The following KHDRBS3 variants were observed in gnomAD, a reference collection of about 807,000 sequenced individuals.
KHDRBS3 encodes the protein KH domain-containing, RNA-binding, signal transduction-associated protein 3.
KHDRBS3 carries 23 observed loss-of-function variants against 45.6 expected under a neutral mutation model. That is an observed-to-expected ratio of 0.50 (90% CI 0.36 to 0.72). The LOEUF (loss-of-function observed/expected upper bound fraction) is 0.72. KHDRBS3 is among the 30% of genes least tolerant of loss of function. The pLI is 0.00. For missense variants in KHDRBS3, 352 were observed against 424.8 expected, an observed-to-expected ratio of 0.83 and a Z score of 1.51; for synonymous variants, 162 against 156.5, an observed-to-expected ratio of 1.04 and a Z score of -0.26.
chr8:135,480,946 C>T (rs1345432554), intron 1 of KHDRBS3, among the ~76,000 whole-genome samples: 1 of 151,906 alleles, frequency 6.6e-6, no homozygotes, highest in Admixed American at 6.6e-5. Context: ...ACACTCTGTC[C>T]ATCTCTGTTC....
chr8:135,467,800 G>A (rs932438675), intron 1 of KHDRBS3, among the ~76,000 whole-genome samples: 1 of 152,170 alleles, frequency 6.6e-6, no homozygotes, highest in African/African-American at 2.4e-5. Context: ...CTTTCCTTTG[G>A]TAATTAATTA....
At chr8:135,646,780 C>T (rs758090909) in intron 8 of KHDRBS3, among the ~76,000 whole-genome samples, 18 of 152,208 alleles carry the variant, frequency 1.2e-4, no homozygotes, top group Admixed American at 4.6e-4. Context: ...TATCTTCCCA[C>T]GCTGACGAAT....
At chr8:135,475,554 C>T (rs978291815) in intron 1 of KHDRBS3, among the ~76,000 whole-genome samples, 1 of 152,016 alleles carries the variant, frequency 6.6e-6, no homozygotes, top group South Asian at 2.1e-4. Flanking sequence ...TCAGATGATC[C>T]ACCCTCCTCA....
chr8:135,497,270 C>G (rs1418872185), intron 1 of KHDRBS3, among the ~76,000 whole-genome samples: 3 of 152,186 alleles, frequency 2.0e-5, no homozygotes, highest in African/African-American at 7.2e-5. Flanking sequence ...GTCAGAAAAT[C>G]AGCTATGCTG....
downstream of KHDRBS3, among the ~76,000 whole-genome samples, chr8:135,649,378 T>G (rs964466645): frequency 6.6e-6 from 1 of 152,206 alleles, no homozygotes; most frequent in Non-Finnish European, 1.5e-5. Flanking sequence ...GATAATATCA[T>G]CAGAGTGTTT....
At chr8:135,572,388 T>C (rs1827744664) in intron 5 of KHDRBS3, among the ~76,000 whole-genome samples, 3 of 152,228 alleles carry the variant, frequency 2.0e-5, no homozygotes, top group African/African-American at 7.2e-5. Flanking sequence ...TTGTAACTTG[T>C]TAAATTGTAT....
intron 2 of KHDRBS3, among the ~76,000 whole-genome samples, chr8:135,529,277 A>G (rs1027668275): frequency 6.6e-6 from 1 of 152,140 alleles, no homozygotes; most frequent in Non-Finnish European, 1.5e-5. Flanking sequence ...CAGAAGCTAC[A>G]TTTGTCCTGT....
At chr8:135,615,102 GA>G in intron 7 of KHDRBS3, among the ~76,000 whole-genome samples, 1 of 151,910 alleles carries the variant, frequency 6.6e-6, no homozygotes, top group African/African-American at 2.4e-5. Flanking sequence ...ATCAGATACT[GA>G]GGGTGATCAG....
At chr8:135,634,937 A>G (rs1249174793) in intron 7 of KHDRBS3, among the ~76,000 whole-genome samples, 1 of 152,212 alleles carries the variant, frequency 6.6e-6, no homozygotes, top group Non-Finnish European at 1.5e-5. Flanking sequence ...CATGTGTCCT[A>G]GGCCAATGGT....
In KHDRBS3 at chr8:135,656,156, C is replaced by A. The variant is rs561516259; in HGVS notation, c.*118-70C>A. 2.0e-5 allele frequency: 3 copies of A among 152,316 alleles called. No homozygotes were observed. The East Asian group carries it at 5.8e-4, about 29-fold the overall frequency. 9.4% of individuals were successfully genotyped at this position (152,316 alleles called of 1,614,324 possible). A position where few individuals can be genotyped will look rare whatever the true frequency, so the allele number is the denominator to read the frequency against. ...CCTGAATCCTCTAAACCCTGCCATT[C>A]CCAACAGAGCATATGGTTATTATTA... On this transcript the variant is annotated intron_variant and NMD_transcript_variant, in intron 4 of 4. Transcript: ENST00000521461.
intron 2 of KHDRBS3, among the ~76,000 whole-genome samples, chr8:135,535,293 T>C (rs1825683889): frequency 8.5e-6 from 1 of 117,048 alleles, no homozygotes; most frequent in Non-Finnish European, 1.7e-5. Context: ...TATAAACTAT[T>C]ATATATAGTT....
At chr8:135,532,635 A>G (rs1156704134) in intron 2 of KHDRBS3, among the ~76,000 whole-genome samples, 1 of 152,190 alleles carries the variant, frequency 6.6e-6, no homozygotes, top group Non-Finnish European at 1.5e-5. Flanking sequence ...AATCTTTATA[A>G]CATAAGATAG....
chr8:135,509,312 G>A (rs1433113083), intron 1 of KHDRBS3, among the ~76,000 whole-genome samples: 4 of 152,110 alleles, frequency 2.6e-5, no homozygotes, highest in Admixed American at 1.3e-4. Context: ...TTTGAGAGTC[G>A]GACAATGCTG....
At chr8:135,598,514 G>C (rs745459054) in intron 6 of KHDRBS3, among the ~76,000 whole-genome samples, 3 of 152,180 alleles carry the variant, frequency 2.0e-5, no homozygotes, top group Non-Finnish European at 4.4e-5. Context: ...AGTTGTATTA[G>C]TGTAGAAGTC....
intron 7 of KHDRBS3, among the ~76,000 whole-genome samples, chr8:135,615,224 C>A (rs1829869003): frequency 6.6e-6 from 1 of 151,680 alleles, no homozygotes; most frequent in Non-Finnish European, 1.5e-5. Context: ...AGGAGGCTGA[C>A]TAAAGTTTAG....
intron 1 of KHDRBS3, among the ~76,000 whole-genome samples, chr8:135,474,608 T>G (rs1822177363): frequency 6.6e-6 from 1 of 152,188 alleles, no homozygotes; most frequent in South Asian, 2.1e-4. Context: ...ATCACTCAAT[T>G]TAGTTTAATA....
rs555973472 is a variant in KHDRBS3, at chr8:135,503,176, G to A, written c.89-18061G>A. ...CAGGAATAACATAGTAGACAAAAGCGTCATACAGAAATATACTTGTGTATA... is the reference window on the plus strand; with the variant it reads ...CAGGAATAACATAGTAGACAAAAGCATCATACAGAAATATACTTGTGTATA... On this transcript the variant is annotated intron_variant, in intron 1 of 8. Transcript: ENST00000355849. Among the ~76,000 whole-genome samples, 11 of 152,296 alleles carry A rather than the reference G, an allele frequency of 7.2e-5. No homozygotes were observed. The South Asian group carries it at 1.0e-3, about 14-fold the overall frequency.
At chr8:135,607,111 G>A (rs995934857) in intron 7 of KHDRBS3, 74 bp downstream of exon 7, 2 of 1,187,186 alleles carry the variant, frequency 1.7e-6, no homozygotes, top group African/African-American at 3.0e-5. Flanking sequence ...TCTGGGAAAA[G>A]TATGGCAGTC....
chr8:135,577,884 A>G (rs1828021026), intron 5 of KHDRBS3, among the ~76,000 whole-genome samples: 1 of 152,200 alleles, frequency 6.6e-6, no homozygotes, highest in Non-Finnish European at 1.5e-5. Context: ...TGTTTTTCAT[A>G]TCCTCACCAA....
Sources: allele counts gnomAD v4.1 joint callset (sites outside exome capture counted in the v4.1 genomes callset), GRCh38; gene constraint gnomAD v4.1.1; transcripts MANE v1.5; gene names NCBI Gene and HGNC (gene_info 2026-07-23, HGNC 2026-07-21).